Variants in VTA1 observed in about 807,000 individuals in gnomAD.
The protein encoded by VTA1 is vesicle trafficking 1.
In VTA1, 24 loss-of-function variants were observed where a neutral mutation model predicts 36.9. The ratio of observed to expected loss-of-function variants is 0.65; its 90% CI spans 0.47 to 0.91. The LOEUF is 0.91. Ranked by LOEUF, VTA1 falls within the 40% of genes least tolerant of loss-of-function variation. VTA1 has a pLI of 0.00. For missense variants in VTA1, 393 were observed against 377.2 expected (o/e 1.04, Z -0.35); for synonymous variants, 142 against 130.2 (o/e 1.09, Z -0.62).
Position 142,170,380 on chromosome 6 carries a change from T to G in VTA1, c.370T>G (p.Leu124Val), listed in dbSNP as rs1258641118. ...MIKSFYTASL[L>V]IDVITVFGEL... ...CAAGTCCTTCTATACTGCAAGTCTT[T>G]TGATAGATGTCATAACAGTATTTGG... The change falls in exon 4 of 8, where the codon TTG (leucine) becomes GTG (valine). Residue 124 changes from leucine to valine, a missense_variant. Coordinates refer to ENST00000367630, the MANE Select transcript of VTA1 (RefSeq NM_016485.5). The G allele has an allele frequency of 9.9e-6, 16 of 1,609,080 alleles. No individual in the cohort carries two copies. Among genetic ancestry groups the G allele is most frequent in the Non-Finnish European group, 1.4e-5 (16 of 1,177,904 alleles).
chr6:142,170,246 C>A, intron 3 of VTA1, 100 bp from the exon 4 acceptor site: 2 of 807,986 alleles, frequency 2.5e-6, no homozygotes, highest in Non-Finnish European at 4.0e-6. Flanking sequence ...TTTCAGAGTG[C>A]TTTTATAAAG....
At chr6:142,198,764 T>C (rs528126442) in intron 6 of VTA1, 149 bp downstream of exon 6, 1 of 717,382 alleles carries the variant, frequency 1.4e-6, no homozygotes, top group Admixed American at 3.5e-5. Context: ...CATTAAATTA[T>C]TTTCATTAAA....
intron 2 of VTA1, 44 bp from the exon 3 acceptor site, chr6:142,169,506 C>T: frequency 6.3e-7 from 1 of 1,581,970 alleles, no homozygotes; most frequent in Non-Finnish European, 8.6e-7. Flanking sequence ...GTCAACACTT[C>T]TGAGAGTCCA....
intron 4 of VTA1, among the ~76,000 whole-genome samples, chr6:142,176,111 C>G (rs1775119052): frequency 6.6e-6 from 1 of 152,108 alleles, no homozygotes; most frequent in African/African-American, 2.4e-5. Context: ...CTTGTATAAT[C>G]TGTTTGTGGC....
At chr6:142,167,242 A>G (rs537353435) in intron 2 of VTA1, among the ~76,000 whole-genome samples, 1 of 152,284 alleles carries the variant, frequency 6.6e-6, no homozygotes, top group East Asian at 1.9e-4. Context: ...ATGTCAGTGC[A>G]TAAAGAAGGC....
chr6:142,201,934 T>C (rs1775693205), intron 6 of VTA1, among the ~76,000 whole-genome samples: 1 of 152,006 alleles, frequency 6.6e-6, no homozygotes, highest in Admixed American at 6.5e-5. Context: ...TCTCTATAAA[T>C]AGAGATTTGT....
In VTA1 at chr6:142,185,236, G is replaced by A. The variant is rs111608781; in HGVS notation, c.412-4190G>A. Among the ~76,000 whole-genome samples, 1,066 of 152,066 alleles carry A rather than the reference G, an allele frequency of 7.0e-3. 16 individuals are homozygous for A. Among genetic ancestry groups the A allele is most frequent in the African/African-American group, 0.024 (1,016 of 41,486 alleles). The stretch of plus-strand genomic sequence containing the variant: ...AGTGTTTTTATAGTAACAGTTCTTT[G>A]TATTTTAATTTCATATCGATAGCCA... On this transcript the variant is annotated intron_variant, in intron 4 of 7. Transcript: ENST00000367630.
Position 142,221,992 on chromosome 6 carries a change from A to G in VTA1, c.*3349A>G, listed in dbSNP as rs983065241. 2.0e-5 allele frequency: 3 copies of G among 151,914 alleles called. No individual in the cohort carries two copies. Among genetic ancestry groups the G allele is most frequent in the African/African-American group, 7.3e-5 (3 of 41,370 alleles). 9.4% of individuals were successfully genotyped at this position (151,914 alleles called of 1,614,324 possible). A position where few individuals can be genotyped will look rare whatever the true frequency, so the allele number is the denominator to read the frequency against. ...TCTCAAAAAAAAAAAAAGTATTACA[A>G]TAATCAAGGTGAGATATTATGATGT... On this transcript the variant is annotated 3_prime_UTR_variant, in exon 8 of 8. Transcript: ENST00000367630.
intron 6 of VTA1, among the ~76,000 whole-genome samples, chr6:142,203,692 C>T (rs532324429): frequency 6.6e-6 from 1 of 152,128 alleles, no homozygotes; most frequent in African/African-American, 2.4e-5. Flanking sequence ...ATTTAATTGG[C>T]TGAGAAATTG....
chr6:142,217,267 C>T (rs1776020258), intron 7 of VTA1, among the ~76,000 whole-genome samples: 1 of 152,208 alleles, frequency 6.6e-6, no homozygotes, highest in African/African-American at 2.4e-5. Flanking sequence ...ATTTTAAAAT[C>T]TGCAATTTAA....
intron 4 of VTA1, among the ~76,000 whole-genome samples, chr6:142,188,962 A>G (rs577471458): frequency 2.0e-5 from 3 of 152,342 alleles, no homozygotes; most frequent in Non-Finnish European, 2.9e-5. Context: ...TTACCTGCCT[A>G]TCAGTCTAGC....
intron 6 of VTA1, among the ~76,000 whole-genome samples, chr6:142,200,566 A>C (rs930757161): frequency 6.6e-6 from 1 of 152,016 alleles, no homozygotes; most frequent in African/African-American, 2.4e-5. Context: ...GGAGGGCTAT[A>C]GTAGATCGAT....
chr6:142,198,529 T>TG lies in VTA1; in HGVS notation c.612dup (p.Pro205AlafsTer19). 6.2e-7 allele frequency: 1 copy of TG among 1,614,148 alleles called. No individual in the cohort carries two copies. The highest frequency in any genetic ancestry group is 8.5e-7 in the Non-Finnish European group (1 of 1,179,992). Reference sequence around the variant, plus strand: ...TCTTCAACTTATGACCCAAGCAACATGCCATCAGGCAACTATACTGGAATA... The same window carrying TG: ...TCTTCAACTTATGACCCAAGCAACATGGCCATCAGGCAACTATACTGGAATA... On this transcript the variant is annotated frameshift_variant, in exon 6 of 8. Transcript: ENST00000367630. LOFTEE classifies it high-confidence loss of function.
intron 6 of VTA1, among the ~76,000 whole-genome samples, chr6:142,200,244 T>A (rs1562267631): frequency 6.6e-6 from 1 of 152,084 alleles, no homozygotes; most frequent in Non-Finnish European, 1.5e-5. Flanking sequence ...AAAAATGGAC[T>A]AGTAGTAGGC....
intron 1 of VTA1, among the ~76,000 whole-genome samples, chr6:142,162,682 T>G (rs932987341): frequency 6.6e-6 from 1 of 152,108 alleles, no homozygotes; most frequent in Non-Finnish European, 1.5e-5. Flanking sequence ...ATAGTTGGGT[T>G]TATGTATGAG....
intron 7 of VTA1, among the ~76,000 whole-genome samples, chr6:142,213,576 T>A (rs1385038365): frequency 2.0e-5 from 3 of 152,218 alleles, no homozygotes; most frequent in Non-Finnish European, 2.9e-5. Context: ...GTAGAGGTGT[T>A]CCATGAGGGC....
At chr6:142,183,550 A>G (rs1411844842) in intron 4 of VTA1, among the ~76,000 whole-genome samples, 1 of 152,206 alleles carries the variant, frequency 6.6e-6, no homozygotes, top group African/African-American at 2.4e-5. Flanking sequence ...ATTCTCATCA[A>G]TCTAATAACA....
Position 142,165,252 on chromosome 6 carries a change from A to G in VTA1, c.113-976A>G, listed in dbSNP as rs147048327. ...GAGTTTAGGCAAAATGAGTGCTTGT[A>G]TATGTTGCGGATACAATGGTGTATT... On this transcript the variant is annotated intron_variant, in intron 1 of 7. Transcript: ENST00000367630. 1.4e-4 allele frequency among the ~76,000 whole-genome samples: 22 copies of G among 152,262 alleles called. No individual in the cohort carries two copies. In the East Asian group the frequency reaches 3.7e-3, roughly 25 times the overall value.
chr6:142,184,197 A>T (rs1340036632), intron 4 of VTA1, among the ~76,000 whole-genome samples: 1 of 152,168 alleles, frequency 6.6e-6, no homozygotes, highest in Non-Finnish European at 1.5e-5. Flanking sequence ...TTTAAGGCTT[A>T]TTTTCTGTTA....
Sources: allele counts gnomAD v4.1 joint callset (sites outside exome capture counted in the v4.1 genomes callset), GRCh38; gene constraint gnomAD v4.1.1; transcripts MANE v1.5; gene names NCBI Gene and HGNC (gene_info 2026-07-23, HGNC 2026-07-21).